Variants in PPARGC1A observed in about 807,000 individuals in gnomAD.
PPARGC1A encodes the protein peroxisome proliferator-activated receptor gamma coactivator 1-alpha.
A neutral mutation model predicts 88.7 loss-of-function variants in PPARGC1A; 25 were observed. The ratio of observed to expected loss-of-function variants is 0.28; its 90% CI spans 0.21 to 0.39. PPARGC1A has a LOEUF of 0.39. Among genes scored for constraint, PPARGC1A ranks in the 10% least tolerant of loss-of-function variants. The pLI is 1.00. For missense variants in PPARGC1A, 880 were observed against 968.7 expected (o/e 0.91, Z 1.22); for synonymous variants, 363 against 355.6 (o/e 1.02, Z -0.24).
chr4:23,944,628 C>A, the PPARGC1A span, among the ~76,000 whole-genome samples: 2 of 152,308 alleles, frequency 1.3e-5, no homozygotes, highest in South Asian at 4.1e-4. Flanking sequence ...AGAGTCCCCA[C>A]ATGTCGTGTG....
At chr4:24,306,929 T>G in the PPARGC1A span, among the ~76,000 whole-genome samples, 3 of 152,216 alleles carry the variant, frequency 2.0e-5, no homozygotes, top group Middle Eastern at 3.2e-3. Context: ...TAAACATACT[T>G]TTAAGAGGAT....
At chr4:24,454,202 C>T in the PPARGC1A span, among the ~76,000 whole-genome samples, 2 of 151,088 alleles carry the variant, frequency 1.3e-5, no homozygotes, top group African/African-American at 4.9e-5. Flanking sequence ...ATAAGTGAAC[C>T]CAGCTGAGTC....
chr4:24,236,918 A>T, the PPARGC1A span, among the ~76,000 whole-genome samples: 3 of 152,236 alleles, frequency 2.0e-5, no homozygotes, highest in Non-Finnish European at 2.9e-5. Flanking sequence ...AAGGCCAATA[A>T]GAAATTAACA....
chr4:23,947,355 A>T, the PPARGC1A span, among the ~76,000 whole-genome samples: 3,659 of 16,166 alleles, frequency 0.23, 273 homozygotes, highest in African/African-American at 0.37. Flanking sequence ...ATATAGTGAT[A>T]TATATATATA....
chr4:24,140,819 C>T, the PPARGC1A span, among the ~76,000 whole-genome samples: 15 of 152,120 alleles, frequency 9.9e-5, no homozygotes, highest in African/African-American at 3.6e-4. Flanking sequence ...CAGAAACAAT[C>T]GAGAGACACT....
chr4:24,102,680 C>A, the PPARGC1A span, among the ~76,000 whole-genome samples: 1 of 152,138 alleles, frequency 6.6e-6, no homozygotes, highest in South Asian at 2.1e-4. Context: ...TTTTGATTTC[C>A]ACCTCATTGG....
At chr4:24,264,729 G>A in the PPARGC1A span, among the ~76,000 whole-genome samples, 1 of 152,204 alleles carries the variant, frequency 6.6e-6, no homozygotes, top group Non-Finnish European at 1.5e-5. Flanking sequence ...TTCTTATCCA[G>A]GAATAAAAAG....
chr4:24,091,390 T>G, the PPARGC1A span: 2 of 936,240 alleles, frequency 2.1e-6, no homozygotes, highest in Non-Finnish European at 2.5e-6. Flanking sequence ...CAAATTGATG[T>G]ACGCATATTA....
At chr4:24,063,861 G>T in the PPARGC1A span, among the ~76,000 whole-genome samples, 2 of 152,100 alleles carry the variant, frequency 1.3e-5, no homozygotes, top group Non-Finnish European at 2.9e-5. Flanking sequence ...CCCAGACTCA[G>T]AATCCCTATT....
At chr4:24,137,643 G>GC in the PPARGC1A span, among the ~76,000 whole-genome samples, 3 of 152,084 alleles carry the variant, frequency 2.0e-5, no homozygotes, top group South Asian at 2.1e-4. Context: ...GGTCCATACT[G>GC]CCCCCCACAA....
chr4:24,021,563 G>A, the PPARGC1A span, among the ~76,000 whole-genome samples: 76 of 151,664 alleles, frequency 5.0e-4, 1 homozygote, highest in Non-Finnish European at 7.4e-4. Context: ...ACAAAAAAAT[G>A]TGATACAGTT....
At chr4:23,874,728 G>A (rs973854171) in intron 2 of PPARGC1A, among the ~76,000 whole-genome samples, 2 of 152,176 alleles carry the variant, frequency 1.3e-5, no homozygotes, top group South Asian at 2.1e-4. Flanking sequence ...TCTTGATCAG[G>A]TGCCTGAGAA....
the PPARGC1A span, among the ~76,000 whole-genome samples, chr4:24,009,294 C>A: frequency 6.6e-6 from 1 of 152,064 alleles, no homozygotes; most frequent in Non-Finnish European, 1.5e-5. Flanking sequence ...TTTGAAACTG[C>A]GTCTGCAAGT....
At chr4:23,889,145 T>C in intron 1 of PPARGC1A, 1 of 985,366 alleles carries the variant, frequency 1.0e-6, no homozygotes. Context: ...GCTGTCTATT[T>C]TTACACTAGC....
chr4:24,077,653 G>A, the PPARGC1A span, among the ~76,000 whole-genome samples: 3 of 147,720 alleles, frequency 2.0e-5, no homozygotes, highest in Non-Finnish European at 4.4e-5. Context: ...GTGTGTGTGT[G>A]TGTGTGTGTG....
the PPARGC1A span, among the ~76,000 whole-genome samples, chr4:24,414,275 T>C: frequency 2.0e-5 from 3 of 152,168 alleles, no homozygotes; most frequent in Non-Finnish European, 4.4e-5. Context: ...AAAGCCTGGG[T>C]ACATTTGCTT....
At chr4:23,931,555 C>T in the PPARGC1A span, among the ~76,000 whole-genome samples, 1 of 152,060 alleles carries the variant, frequency 6.6e-6, no homozygotes. Context: ...GACCCATTCA[C>T]TCACTGATTC....
the PPARGC1A span, among the ~76,000 whole-genome samples, chr4:24,004,442 T>C: frequency 1.3e-5 from 2 of 152,196 alleles, no homozygotes; most frequent in South Asian, 2.1e-4. Context: ...TTACTGACTT[T>C]CTGCAATGAA....
chr4:24,361,032 G>A, the PPARGC1A span, among the ~76,000 whole-genome samples: 1 of 152,154 alleles, frequency 6.6e-6, no homozygotes, highest in African/African-American at 2.4e-5. Context: ...AGGGGTTGCA[G>A]GCAGATGAGA....
Sources: gnomAD v4.1 joint callset for allele counts (sites outside exome capture counted in the v4.1 genomes callset) on GRCh38, gnomAD v4.1.1 for gene constraint, MANE v1.5 for transcripts, NCBI Gene and HGNC (gene_info 2026-07-23, HGNC 2026-07-21) for gene names.